The following ALKBH1 variants were observed in gnomAD, a reference collection of about 807,000 sequenced individuals.
ALKBH1 encodes the protein nucleic acid dioxygenase ALKBH1.
ALKBH1 carries 31 observed loss-of-function variants against 36.6 expected under a neutral mutation model. The ratio of observed to expected loss-of-function variants is 0.85; its 90% CI spans 0.64 to 1.14. The LOEUF (loss-of-function observed/expected upper bound fraction) is 1.14. Among genes scored for constraint, ALKBH1 ranks in the 50% most tolerant of loss-of-function variants. The probability of loss-of-function intolerance (pLI) is 0.00; values close to 1 mark genes in which losing one functional copy is unlikely to be tolerated. For missense variants in ALKBH1, 490 were observed against 497.3 expected (o/e 0.99, Z 0.14); for synonymous variants, 183 against 186.6 (o/e 0.98, Z 0.16).
At chr14:77,704,203 G>A (rs868781231) in intron 2 of ALKBH1, among the ~76,000 whole-genome samples, 166 bp downstream of exon 2, 9 of 152,128 alleles carry the variant, frequency 5.9e-5, no homozygotes, top group Admixed American at 6.5e-5. Context: ...CAAAACGGAC[G>A]TCTTAGACAA....
In ALKBH1 at chr14:77,704,381, T is replaced by C. The variant is rs1289175255; in HGVS notation, c.280A>G (p.Lys94Glu). 2 of 1,613,594 alleles carry C rather than the reference T, an allele frequency of 1.2e-6. No homozygotes were observed. Among genetic ancestry groups the C allele is most frequent in the Non-Finnish European group, 1.7e-6 (2 of 1,179,584 alleles). The change falls in exon 2 of 6, where the codon AAA (lysine) becomes GAA (glutamate). Residue 94 changes from lysine (K) to glutamate (E), a missense_variant. By Grantham distance (56) the Lys-to-Glu change is moderately conservative (BLOSUM62 1). Coordinates refer to ENST00000216489, the MANE Select transcript of ALKBH1 (RefSeq NM_006020.3). ...PVSKWQAYGL[K>E]GYPGFIFIPN... Reference sequence around the variant, plus strand: ...CAGTTACACTCACCAGGATAGCCTTTGAGTCCATAGGCTTGCCACTTGCTG... The same window carrying C: ...CAGTTACACTCACCAGGATAGCCTTCGAGTCCATAGGCTTGCCACTTGCTG...
intron 3 of ALKBH1, among the ~76,000 whole-genome samples, chr14:77,689,932 A>G (rs2080288295): frequency 6.6e-6 from 1 of 152,182 alleles, no homozygotes; most frequent in Admixed American, 6.5e-5. Context: ...GAGGTGGGGC[A>G]ACTGCTTCAG....
rs1253253887 is a variant in ALKBH1 at position 77,688,854 on chromosome 14, G to T, written c.455+5884C>A. On this transcript the variant is annotated intron_variant, in intron 3 of 5. Transcript: ENST00000216489. ...CCCAAAGTGCTGGGATTATAGGTGT[G>T]AGCCACCGCGCCTGGCCTGAACTAA... Among the ~76,000 whole-genome samples, 6 of 152,142 alleles carry T rather than the reference G, an allele frequency of 3.9e-5. No individual in the cohort carries two copies. In the East Asian group the frequency reaches 1.2e-3, roughly 29 times the overall value.
chr14:77,692,044 C>A (rs2080299908), intron 3 of ALKBH1: 2 of 152,304 alleles, frequency 1.3e-5, no homozygotes, highest in East Asian at 3.9e-4. Context: ...TTAAGAAAAT[C>A]TTCTCTTTAC....
chr14:77,705,479 T>C (rs570292140), intron 1 of ALKBH1, among the ~76,000 whole-genome samples: 3 of 150,898 alleles, frequency 2.0e-5, no homozygotes, highest in African/African-American at 7.3e-5. Flanking sequence ...AATGTTGCAG[T>C]GAGACACTGG....
At position 77,680,444 on chromosome 14, in the gene ALKBH1, GTT is replaced by G. The variant is rs1296330039; in HGVS notation, c.456-476_456-475del. Among the ~76,000 whole-genome samples, 4 of 152,178 alleles carry G rather than the reference GTT, an allele frequency of 2.6e-5. No homozygotes were observed. The East Asian group carries it at 7.7e-4, about 29-fold the overall frequency. ...GAATTGCAGGTTGGGGAAAAAAAAA[GTT>G]TAGCAAAATATAGTGTATAGTACAA... On this transcript the variant is annotated intron_variant, in intron 3 of 5. Transcript: ENST00000216489.
intron 2 of ALKBH1, among the ~76,000 whole-genome samples, chr14:77,695,119 T>C (rs2080320107): frequency 6.6e-6 from 1 of 152,170 alleles, no homozygotes; most frequent in African/African-American, 2.4e-5. Context: ...GAAATAAATA[T>C]TCCACAACAA....
intron 4 of ALKBH1, among the ~76,000 whole-genome samples, chr14:77,679,577 T>G (rs938532446): frequency 1.3e-5 from 2 of 152,112 alleles, no homozygotes; most frequent in African/African-American, 4.8e-5. Context: ...ACTGCAGGCA[T>G]GTGCCACCAG....
At chr14:77,694,701 T>G in intron 3 of ALKBH1, 37 bp downstream of exon 3, 4 of 1,491,504 alleles carry the variant, frequency 2.7e-6, no homozygotes, top group Non-Finnish European at 3.6e-6. Context: ...TGATCTGAGC[T>G]GAGTATTAAC....
At chr14:77,676,268 C>A (rs1482713538) in intron 4 of ALKBH1, among the ~76,000 whole-genome samples, 5 of 151,978 alleles carry the variant, frequency 3.3e-5, no homozygotes, top group Non-Finnish European at 7.4e-5. Context: ...CAGACATGAG[C>A]CACTGTGCCC....
chr14:77,675,744 T>A lies in ALKBH1; in HGVS notation c.652A>T (p.Ile218Phe), dbSNP rs1239675609. The A allele has an allele frequency of 6.2e-7, 1 of 1,614,096 alleles. No individual in the cohort carries two copies. Among genetic ancestry groups the A allele is most frequent in the Admixed American group, 1.7e-5 (1 of 60,006 alleles). The change falls in exon 5 of 6, where the codon ATC becomes TTC. Residue 218 changes from isoleucine to phenylalanine, a missense_variant. Coordinates refer to ENST00000216489, the MANE Select transcript of ALKBH1 (RefSeq NM_006020.3). ...GAGTCCAGGCGGTAGTAATTCAGGA[T>A]CCCTGCTTCAGCTCGGAAATCCTCA... ...GFEDFRAEAG[I>F]LNYYRLDSTL...
chr14:77,691,387 C>A (rs2080296321), intron 3 of ALKBH1, among the ~76,000 whole-genome samples: 1 of 152,094 alleles, frequency 6.6e-6, no homozygotes, highest in Non-Finnish European at 1.5e-5. Context: ...GATACCTAAT[C>A]AAAATCTCCA....
intron 3 of ALKBH1, among the ~76,000 whole-genome samples, chr14:77,686,194 T>C (rs1030355260): frequency 1.3e-4 from 20 of 152,188 alleles, no homozygotes; most frequent in African/African-American, 3.6e-4. Context: ...GATTTGTTCT[T>C]GAACACTGTG....
At chr14:77,694,275 T>C (rs2080314953) in intron 3 of ALKBH1, among the ~76,000 whole-genome samples, 2 of 152,206 alleles carry the variant, frequency 1.3e-5, no homozygotes, top group South Asian at 2.1e-4. Context: ...TGAATGAATG[T>C]TGAAGCATGA....
intron 4 of ALKBH1, among the ~76,000 whole-genome samples, chr14:77,678,541 A>C (rs942314570): frequency 2.6e-4 from 29 of 109,522 alleles, no homozygotes; most frequent in Non-Finnish European, 3.6e-4. Context: ...GTGTAAGACC[A>C]TTACAAAAAA....
At chr14:77,692,905 T>TAA (rs10638829) in intron 3 of ALKBH1, among the ~76,000 whole-genome samples, 21,155 of 130,416 alleles carry the variant, frequency 0.16, 1,570 homozygotes, top group Non-Finnish European at 0.18. Context: ...CCCAGCTAAT[T>TAA]AAAAAAAAAA....
intron 3 of ALKBH1, among the ~76,000 whole-genome samples, chr14:77,693,807 C>G (rs967359935): frequency 1.3e-5 from 2 of 151,850 alleles, no homozygotes; most frequent in African/African-American, 4.8e-5. Context: ...GCCAACATGG[C>G]GAAACCCCAT....
intron 2 of ALKBH1, among the ~76,000 whole-genome samples, chr14:77,701,475 C>A (rs1369001731): frequency 6.6e-6 from 1 of 152,174 alleles, no homozygotes; most frequent in East Asian, 1.9e-4. Flanking sequence ...CCCACCACTT[C>A]TTGTGCAGGA....
intron 3 of ALKBH1, among the ~76,000 whole-genome samples, chr14:77,682,667 C>A (rs2080244343): frequency 2.0e-5 from 3 of 152,074 alleles, no homozygotes. Context: ...ATAGATGGCA[C>A]CCTGAGTATC....
Sources: gnomAD v4.1 joint callset for allele counts (sites outside exome capture counted in the v4.1 genomes callset) on GRCh38, gnomAD v4.1.1 for gene constraint, MANE v1.5 for transcripts, NCBI Gene and HGNC (gene_info 2026-07-23, HGNC 2026-07-21) for gene names.